MTO1: variants seen among roughly 807,000 people sequenced by gnomAD.
MTO1 encodes mitochondrial tRNA translation optimization 1.
MTO1 carries 46 observed loss-of-function variants against 71.6 expected under a neutral mutation model. That is an observed-to-expected ratio of 0.64 (90% CI 0.51 to 0.82). MTO1 has a LOEUF of 0.82. Among genes scored for constraint, MTO1 ranks in the 40% least tolerant of loss-of-function variants. The pLI is 0.00. For synonymous variants in MTO1, 297 were observed against 312.1 expected (o/e 0.95, Z 0.51); for missense variants, 773 against 867.5 (o/e 0.89, Z 1.37).
At chr6:73,482,747 T>G (rs1771542593) in intron 9 of MTO1, 127 bp downstream of exon 9, 8 of 733,176 alleles carry the variant, frequency 1.1e-5, no homozygotes, top group Non-Finnish European at 1.6e-5. Context: ...TGTTTTTGGC[T>G]TCTTTTCAAA....
At chr6:73,470,913 A>G (rs949427924) in intron 3 of MTO1, among the ~76,000 whole-genome samples, 2 of 152,158 alleles carry the variant, frequency 1.3e-5, no homozygotes, top group African/African-American at 4.8e-5. Flanking sequence ...AGATCTTGCT[A>G]CTGCACTCCA....
At position 73,466,584 on chromosome 6, in the gene MTO1, C is replaced by T. The variant is rs2150027475; in HGVS notation, c.513C>T (p.Cys171=). Residue 171 remains cysteine (C), a synonymous_variant, in exon 3 of 12, where the codon TGC becomes TGT. Transcript: ENST00000498286. ...CAGAGCCTGAACACACTGGGAAATGCCGTGTCAGTGGGGTTGTTTTGGGTA... is the reference window on the plus strand; with the variant it reads ...CAGAGCCTGAACACACTGGGAAATGTCGTGTCAGTGGGGTTGTTTTGGGTA... ...TEPEPEHTGK[C]RVSGVVLVDG... The T allele has an allele frequency of 1.9e-6, 3 of 1,613,958 alleles. No homozygotes were observed. The highest frequency in any genetic ancestry group is 8.5e-7 in the Non-Finnish European group (1 of 1,179,930).
chr6:73,476,235 A>T (rs1393171185), intron 4 of MTO1, among the ~76,000 whole-genome samples: 1 of 151,542 alleles, frequency 6.6e-6, no homozygotes, highest in Admixed American at 6.6e-5. Context: ...TTAGCCAGGC[A>T]TGGTGGCTCA....
At chr6:73,486,288 T>A (rs1402927281) in intron 9 of MTO1, among the ~76,000 whole-genome samples, 1 of 152,190 alleles carries the variant, frequency 6.6e-6, no homozygotes, top group African/African-American at 2.4e-5. Flanking sequence ...TTCAGTAGTT[T>A]AAGTATATTC....
chr6:73,473,707 A>C, intron 4 of MTO1, 53 bp downstream of exon 4: 1 of 1,374,508 alleles, frequency 7.3e-7, no homozygotes, highest in East Asian at 2.4e-5. Context: ...TATTCACAGC[A>C]GGAAGTACTG....
intron 3 of MTO1, among the ~76,000 whole-genome samples, chr6:73,468,830 A>G (rs1257918844): frequency 6.6e-6 from 1 of 150,940 alleles, no homozygotes; most frequent in South Asian, 2.1e-4. Flanking sequence ...CTGGTCTTGA[A>G]CTCCTGACCT....
chr6:73,476,400 AAGTT>A (rs1020614681), intron 4 of MTO1, among the ~76,000 whole-genome samples: 21 of 151,122 alleles, frequency 1.4e-4, no homozygotes, highest in African/African-American at 4.4e-4. Context: ...AAAAAAAAGA[AAGTT>A]AACCCTCAAC....
intron 3 of MTO1, among the ~76,000 whole-genome samples, chr6:73,468,676 T>C (rs1035635725): frequency 4.6e-5 from 7 of 151,720 alleles, no homozygotes; most frequent in African/African-American, 1.7e-4. Flanking sequence ...GGTACGATCT[T>C]GGCTCACTGC....
intron 1 of MTO1, among the ~76,000 whole-genome samples, chr6:73,463,144 C>T (rs1770877624): frequency 6.6e-6 from 1 of 152,032 alleles, no homozygotes; most frequent in Non-Finnish European, 1.5e-5. Flanking sequence ...CTGCCTCAGC[C>T]TCCCGAGTAG....
intron 11 of MTO1, among the ~76,000 whole-genome samples, chr6:73,499,613 G>A (rs1483079774): frequency 6.6e-6 from 1 of 152,034 alleles, no homozygotes; most frequent in Non-Finnish European, 1.5e-5. Flanking sequence ...AGCCACATAT[G>A]ACTAGTGGCT....
chr6:73,474,692 C>G (rs1279330483), intron 4 of MTO1, among the ~76,000 whole-genome samples: 1 of 151,948 alleles, frequency 6.6e-6, no homozygotes, highest in Non-Finnish European at 1.5e-5. Flanking sequence ...AGGTGATCCG[C>G]CTGCCTCAAC....
At chr6:73,479,656 C>G in intron 4 of MTO1, 76 bp from the exon 5 acceptor site, 3 of 1,165,718 alleles carry the variant, frequency 2.6e-6, no homozygotes, top group Non-Finnish European at 3.8e-6. Flanking sequence ...CAGTACGTAT[C>G]ATGTGGAATT....
rs149198105 is a variant in MTO1, at chr6:73,504,575, G to A, written c.*3840G>A. ...AAGAAATGGTATTACTAAAACTCAAGTGAATAATTAAATGAGATCAAAATA... is the reference window on the plus strand; with the variant it reads ...AAGAAATGGTATTACTAAAACTCAAATGAATAATTAAATGAGATCAAAATA... On this transcript the variant is annotated 3_prime_UTR_variant, in exon 12 of 12. Coordinates refer to ENST00000498286, the MANE Select transcript of MTO1 (RefSeq NM_012123.4). 1 of 152,290 alleles carries A rather than the reference G, an allele frequency of 6.6e-6. No individual in the cohort carries two copies. Among genetic ancestry groups the A allele is most frequent in the African/African-American group, 2.4e-5 (1 of 41,564 alleles). The allele number at this position is 152,290 out of a possible 1,614,324, so 9.4% of individuals were successfully genotyped here.
intron 4 of MTO1, among the ~76,000 whole-genome samples, chr6:73,473,920 T>G (rs1771231554): frequency 6.6e-6 from 1 of 151,524 alleles, no homozygotes; most frequent in African/African-American, 2.4e-5. Flanking sequence ...CTTGAGTAGC[T>G]GAGACCATAG....
intron 9 of MTO1, among the ~76,000 whole-genome samples, chr6:73,485,942 C>T (rs1224382851): frequency 1.0e-5 from 1 of 96,338 alleles, no homozygotes; most frequent in East Asian, 3.2e-4. Flanking sequence ...GTAACACATA[C>T]ACACACACAC....
At chr6:73,483,039 G>A (rs542801818) in intron 9 of MTO1, among the ~76,000 whole-genome samples, 11 of 151,988 alleles carry the variant, frequency 7.2e-5, no homozygotes, top group Admixed American at 2.6e-4. Context: ...TGATCCGCCC[G>A]CCTCGGCCTC....
chr6:73,481,050 T>C, intron 7 of MTO1: 1 of 456,630 alleles, frequency 2.2e-6, no homozygotes, highest in Non-Finnish European at 4.0e-6. Flanking sequence ...TCTCCCAGCT[T>C]CAAGCGATCC....
chr6:73,498,558 C>T (rs1170141508), intron 11 of MTO1, among the ~76,000 whole-genome samples: 1 of 151,792 alleles, frequency 6.6e-6, no homozygotes, highest in Non-Finnish European at 1.5e-5. Context: ...CCACGTGCTT[C>T]AGACTAATTG....
chr6:73,484,581 G>T (rs1771600962), intron 9 of MTO1, among the ~76,000 whole-genome samples: 1 of 152,054 alleles, frequency 6.6e-6, no homozygotes, highest in Admixed American at 6.6e-5. Context: ...ATTTAAGTGG[G>T]GGATACTACC....
Sources: gnomAD v4.1 joint callset for allele counts (sites outside exome capture counted in the v4.1 genomes callset) on GRCh38, gnomAD v4.1.1 for gene constraint, MANE v1.5 for transcripts, NCBI Gene and HGNC (gene_info 2026-07-23, HGNC 2026-07-21) for gene names.